TRAF3: variants seen among roughly 807,000 people sequenced by gnomAD.
The protein encoded by TRAF3 is TNF receptor-associated factor 3.
TRAF3 carries 13 observed loss-of-function variants against 62.3 expected under a neutral mutation model. The observed-to-expected ratio is 0.21, with a 90% confidence interval of 0.14 to 0.33. The LOEUF is 0.33. Among genes scored for constraint, TRAF3 ranks in the 10% least tolerant of loss-of-function variants. TRAF3 has a pLI of 1.00. For missense variants in TRAF3, 440 were observed against 741.8 expected (o/e 0.59, Z 4.73); for synonymous variants, 269 against 283.4 (o/e 0.95, Z 0.51).
intron 1 of TRAF3, among the ~76,000 whole-genome samples, chr14:102,825,639 A>G (rs756799517): frequency 2.6e-5 from 4 of 152,232 alleles, no homozygotes; most frequent in Non-Finnish European, 5.9e-5. Flanking sequence ...GGTCAGCGTC[A>G]CAGGACGGAC....
intron 1 of TRAF3, among the ~76,000 whole-genome samples, chr14:102,819,851 C>CA (rs539840044): frequency 2.7e-4 from 41 of 152,372 alleles, no homozygotes; most frequent in African/African-American, 9.9e-4. Context: ...AATAGCTTCA[C>CA]ATCAGATCAG....
intron 8 of TRAF3, 139 bp downstream of exon 8, chr14:102,889,773 G>A (rs1171351978): frequency 1.7e-5 from 18 of 1,035,806 alleles, no homozygotes; most frequent in Admixed American, 3.8e-5. Flanking sequence ...CATGGGTGAC[G>A]AAAGCCACAT....
chr14:102,837,521 G>A (rs1047624301), intron 2 of TRAF3, among the ~76,000 whole-genome samples: 1 of 152,072 alleles, frequency 6.6e-6, no homozygotes, highest in African/African-American at 2.4e-5. Context: ...TTGAAGTCAG[G>A]CACTAGCCTT....
chr14:102,822,224 C>T (rs904390350), intron 1 of TRAF3, among the ~76,000 whole-genome samples: 5 of 152,018 alleles, frequency 3.3e-5, no homozygotes, highest in African/African-American at 4.8e-5. Context: ...TGTTATTCAC[C>T]GTGAAGCACA....
In TRAF3 at chr14:102,876,531, G is replaced by A. The variant is rs751744672; in HGVS notation, c.570+6G>A. 1 of 1,612,772 alleles carries A rather than the reference G, an allele frequency of 6.2e-7. No homozygotes were observed. The highest frequency in any genetic ancestry group is 8.5e-7 in the Non-Finnish European group (1 of 1,179,676). On this transcript the variant is annotated splice_donor_region_variant and intron_variant, in intron 6 of 11. Coordinates refer to ENST00000392745, the MANE Select transcript of TRAF3 (RefSeq NM_145725.3). ...TTCCGATGATCGCGCTGCAGGTGCG[G>A]GTCCTCCCATTCCACAGGCCTTCCA...
chr14:102,878,664 G>A (rs1312569211), intron 6 of TRAF3, among the ~76,000 whole-genome samples: 2 of 152,202 alleles, frequency 1.3e-5, no homozygotes, highest in African/African-American at 4.8e-5. Context: ...GGCATCAAGG[G>A]AAGAGAGGTG....
intron 1 of TRAF3, among the ~76,000 whole-genome samples, chr14:102,790,616 GACTT>G (rs1034716077): frequency 6.6e-5 from 10 of 152,116 alleles, no homozygotes; most frequent in African/African-American, 1.9e-4. Flanking sequence ...GATCTTGTGA[GACTT>G]ACTATCATGA....
intron 2 of TRAF3, among the ~76,000 whole-genome samples, chr14:102,858,433 G>A (rs1284522399): frequency 3.9e-5 from 6 of 152,264 alleles, no homozygotes; most frequent in South Asian, 4.1e-4. Flanking sequence ...GATTACAGGC[G>A]TTAGCCACTG....
chr14:102,873,541 A>G (rs1489782801), intron 4 of TRAF3, among the ~76,000 whole-genome samples: 1 of 152,220 alleles, frequency 6.6e-6, no homozygotes, highest in African/African-American at 2.4e-5. Flanking sequence ...GGCTAGTTTT[A>G]TCAAAGAATC....
At chr14:102,898,653 C>T (rs1890122500) in intron 10 of TRAF3, among the ~76,000 whole-genome samples, 1 of 152,264 alleles carries the variant, frequency 6.6e-6, no homozygotes, top group African/African-American at 2.4e-5. Flanking sequence ...TGCACAAGTA[C>T]TGGATTCATT....
intron 2 of TRAF3, among the ~76,000 whole-genome samples, chr14:102,864,095 A>G (rs1312225147): frequency 2.0e-5 from 3 of 150,214 alleles, no homozygotes; most frequent in Non-Finnish European, 4.4e-5. Flanking sequence ...CAAGTTTTTA[A>G]TTAGTTTTCC....
chr14:102,870,238 C>G lies in TRAF3; in HGVS notation c.37C>G (p.Leu13Val). The change falls in exon 3 of 12, where the codon CTG (leucine) becomes GTG (valine). Residue 13 changes from leucine to valine, a missense_variant. Transcript: ENST00000392745. ...SSKKMDSPGA[L>V]QTNPPLKLHT... ...TAAAAAGATGGACTCTCCTGGCGCG[C>G]TGCAGACTAACCCGCCGCTAAAGCT... is the stretch of plus-strand genomic sequence containing the variant. The G allele has an allele frequency of 6.2e-7, 1 of 1,614,108 alleles. No individual in the cohort carries two copies. The highest frequency in any genetic ancestry group is 8.5e-7 in the Non-Finnish European group (1 of 1,179,992).
At chr14:102,860,380 T>C (rs1199781329) in intron 2 of TRAF3, among the ~76,000 whole-genome samples, 1 of 152,134 alleles carries the variant, frequency 6.6e-6, no homozygotes, top group Non-Finnish European at 1.5e-5. Flanking sequence ...ATGAGGAAAA[T>C]AGAGGTTTTT....
intron 8 of TRAF3, among the ~76,000 whole-genome samples, 181 bp downstream of exon 8, chr14:102,889,815 T>A (rs1889609059): frequency 6.6e-6 from 1 of 152,184 alleles, no homozygotes; most frequent in Admixed American, 6.5e-5. Context: ...TTCCAGTTGG[T>A]GGTGCTTTGA....
intron 2 of TRAF3, among the ~76,000 whole-genome samples, chr14:102,847,036 G>A (rs559148608): frequency 7.9e-5 from 12 of 152,114 alleles, no homozygotes; most frequent in South Asian, 4.2e-4. Flanking sequence ...AGTAAAAGCA[G>A]TTTTAAAATA....
chr14:102,816,464 A>G (rs1899529785), intron 1 of TRAF3, among the ~76,000 whole-genome samples: 1 of 152,230 alleles, frequency 6.6e-6, no homozygotes. Flanking sequence ...GTTTAAAAAA[A>G]TGCAAAATAT....
chr14:102,885,949 G>C (rs1889356171), intron 6 of TRAF3, among the ~76,000 whole-genome samples: 1 of 152,214 alleles, frequency 6.6e-6, no homozygotes, highest in South Asian at 2.1e-4. Context: ...CCAGCAGACT[G>C]TTCTGAGGCA....
intron 6 of TRAF3, among the ~76,000 whole-genome samples, chr14:102,877,957 T>C (rs1436913035): frequency 6.6e-6 from 1 of 152,192 alleles, no homozygotes; most frequent in Non-Finnish European, 1.5e-5. Context: ...TCTTAAAGAC[T>C]ATTCTAATAG....
intron 1 of TRAF3, among the ~76,000 whole-genome samples, chr14:102,780,505 A>G (rs1479465350): frequency 2.0e-5 from 3 of 150,416 alleles, no homozygotes; most frequent in Non-Finnish European, 3.0e-5. Flanking sequence ...GTTTTTTACT[A>G]TTAAGCATAA....
Sources: allele counts gnomAD v4.1 joint callset (sites outside exome capture counted in the v4.1 genomes callset), GRCh38; gene constraint gnomAD v4.1.1; transcripts MANE v1.5; gene names NCBI Gene and HGNC (gene_info 2026-07-23, HGNC 2026-07-21).